Variants in AUTS2 observed in about 807,000 individuals in gnomAD.
The protein encoded by AUTS2 is activator of transcription and developmental regulator AUTS2.
A neutral mutation model predicts 112.4 loss-of-function variants in AUTS2; 17 were observed. The ratio of observed to expected loss-of-function variants is 0.15; its 90% CI spans 0.10 to 0.23. The LOEUF is 0.23. Among genes scored for constraint, AUTS2 ranks in the 10% least tolerant of loss-of-function variants. The probability of loss-of-function intolerance (pLI) is 1.00; values close to 1 mark genes in which losing one functional copy is unlikely to be tolerated. For missense variants in AUTS2, 1,510 were observed against 1,701.6 expected, an observed-to-expected ratio of 0.89 and a Z score of 1.98; for synonymous variants, 751 against 702.7, an observed-to-expected ratio of 1.07 and a Z score of -1.09.
At chr7:70,649,584 A>G (rs1240722056) in intron 5 of AUTS2, among the ~76,000 whole-genome samples, 2 of 151,432 alleles carry the variant, frequency 1.3e-5, no homozygotes, top group East Asian at 1.9e-4. Context: ...GCTGGAGTGC[A>G]GTAGTGCGAT....
At chr7:70,159,475 T>C (rs771204111) in intron 4 of AUTS2, among the ~76,000 whole-genome samples, 7 of 152,210 alleles carry the variant, frequency 4.6e-5, no homozygotes, top group Non-Finnish European at 7.3e-5. Flanking sequence ...TGGAACTCTT[T>C]AGGTCTGTGT....
chr7:69,855,147 A>G (rs1792661458), intron 1 of AUTS2, among the ~76,000 whole-genome samples: 1 of 152,224 alleles, frequency 6.6e-6, no homozygotes, highest in South Asian at 2.1e-4. Context: ...AATTAAGAGC[A>G]TTACCTATGA....
At chr7:69,728,948 A>G (rs1786653560) in intron 1 of AUTS2, among the ~76,000 whole-genome samples, 1 of 152,152 alleles carries the variant, frequency 6.6e-6, no homozygotes, top group Non-Finnish European at 1.5e-5. Context: ...CCTAGTAGAA[A>G]CAGCATGGAA....
chr7:69,792,713 CTGAG>C (rs1210901195), intron 1 of AUTS2, among the ~76,000 whole-genome samples: 2 of 152,090 alleles, frequency 1.3e-5, no homozygotes, highest in African/African-American at 2.4e-5. Context: ...ATCTACGAGA[CTGAG>C]TATCTGAATT....
At position 70,581,198 on chromosome 7, in the gene AUTS2, C is replaced by T. The variant is rs567565570; in HGVS notation, c.691-117371C>T. ...GGGAGTTCGAGACCAGCCTGACCAA[C>T]GTGGTGAAACCCCCATCTCTACTAA... On this transcript the variant is annotated intron_variant, in intron 5 of 18. Transcript: ENST00000342771. 6.0e-4 allele frequency among the ~76,000 whole-genome samples: 92 copies of T among 152,150 alleles called. 1 individual carries two copies. The highest frequency in any genetic ancestry group is 1.8e-3 in the African/African-American group (74 of 41,516).
At chr7:70,709,873 A>G (rs1809955537) in intron 6 of AUTS2, among the ~76,000 whole-genome samples, 1 of 152,216 alleles carries the variant, frequency 6.6e-6, no homozygotes, top group Admixed American at 6.5e-5. Context: ...GAACTTGTGA[A>G]CAGGAATAAG....
intron 2 of AUTS2, among the ~76,000 whole-genome samples, chr7:69,918,902 C>T (rs769569730): frequency 1.1e-4 from 16 of 151,968 alleles, no homozygotes; most frequent in African/African-American, 3.4e-4. Flanking sequence ...AGGGCACAGG[C>T]GAACTATTTT....
chr7:70,134,075 C>T (rs1161111063), intron 3 of AUTS2, among the ~76,000 whole-genome samples: 1 of 152,154 alleles, frequency 6.6e-6, no homozygotes, highest in Non-Finnish European at 1.5e-5. Flanking sequence ...CTGGAAAAGT[C>T]ATCCAAACCC....
intron 1 of AUTS2, among the ~76,000 whole-genome samples, chr7:69,797,906 C>G (rs955952058): frequency 3.9e-5 from 6 of 152,112 alleles, no homozygotes; most frequent in African/African-American, 1.4e-4. Flanking sequence ...AGTCTCTTTA[C>G]TTTCGAAAGG....
intron 5 of AUTS2, among the ~76,000 whole-genome samples, chr7:70,459,987 C>G (rs1170462660): frequency 6.6e-6 from 1 of 152,138 alleles, no homozygotes; most frequent in Middle Eastern, 3.2e-3. Context: ...TAACACTGAA[C>G]AAGCAAGGCC....
At chr7:70,503,800 T>C (rs781366246) in intron 5 of AUTS2, among the ~76,000 whole-genome samples, 11 of 149,158 alleles carry the variant, frequency 7.4e-5, no homozygotes, top group Non-Finnish European at 1.2e-4. Flanking sequence ...ATTACAGGCG[T>C]GAGCCTACTG....
chr7:69,754,515 T>A (rs1787870008), intron 1 of AUTS2, among the ~76,000 whole-genome samples: 1 of 152,116 alleles, frequency 6.6e-6, no homozygotes, highest in African/African-American at 2.4e-5. Flanking sequence ...AGGGGTTTCA[T>A]TTGCTCATGG....
chr7:70,076,325 A>G (rs535194922), intron 2 of AUTS2, among the ~76,000 whole-genome samples: 9 of 152,342 alleles, frequency 5.9e-5, no homozygotes, highest in Non-Finnish European at 1.2e-4. Flanking sequence ...GTTGTCAGTC[A>G]TTTCTTGGAC....
intron 4 of AUTS2, among the ~76,000 whole-genome samples, chr7:70,259,382 G>T (rs1331898577): frequency 1.3e-5 from 2 of 148,572 alleles, no homozygotes; most frequent in East Asian, 2.0e-4. Context: ...CTTGATCATT[G>T]ATATGTTCCA....
Position 69,848,166 on chromosome 7 carries a change from C to T in AUTS2, c.310-51120C>T, listed in dbSNP as rs561029569. 2.0e-4 allele frequency among the ~76,000 whole-genome samples: 30 copies of T among 152,300 alleles called. 1 individual carries two copies. The South Asian group carries it at 4.4e-3, about 22-fold the overall frequency. On this transcript the variant is annotated intron_variant, in intron 1 of 18. Coordinates refer to ENST00000342771, the MANE Select transcript of AUTS2 (RefSeq NM_015570.4). ...ATAGGAATAGGGACCTTCTTCCTTC[C>T]TTAACATGATTGGATTTTGTTTTTA...
chr7:70,723,138 C>A (rs1786797065), intron 6 of AUTS2, among the ~76,000 whole-genome samples: 1 of 152,192 alleles, frequency 6.6e-6, no homozygotes, highest in South Asian at 2.1e-4. Context: ...ATGCTCTCTT[C>A]CCTAATCATG....
At chr7:70,557,271 C>T (rs562297329) in intron 5 of AUTS2, among the ~76,000 whole-genome samples, 7 of 152,258 alleles carry the variant, frequency 4.6e-5, no homozygotes, top group Admixed American at 1.3e-4. Flanking sequence ...CTAGGATTTG[C>T]AGGCACCCAG....
chr7:69,947,868 A>G (rs1005585831), intron 2 of AUTS2, among the ~76,000 whole-genome samples: 10 of 152,250 alleles, frequency 6.6e-5, no homozygotes, highest in African/African-American at 1.4e-4. Context: ...TTCCCTTCTT[A>G]TAGGTTAGGA....
chr7:70,158,466 C>T (rs1807900998), intron 4 of AUTS2, among the ~76,000 whole-genome samples: 1 of 152,148 alleles, frequency 6.6e-6, no homozygotes. Flanking sequence ...ATAGAGAGGC[C>T]TCAAGGATAA....
Sources: gnomAD v4.1 joint callset for allele counts (sites outside exome capture counted in the v4.1 genomes callset) on GRCh38, gnomAD v4.1.1 for gene constraint, MANE v1.5 for transcripts, NCBI Gene and HGNC (gene_info 2026-07-23, HGNC 2026-07-21) for gene names.